Variants in SRRM4 observed in about 807,000 individuals in gnomAD.
The protein encoded by SRRM4 is serine/arginine repetitive matrix 4.
In SRRM4, 33 loss-of-function variants were observed where a neutral mutation model predicts 68.9. The ratio of observed to expected loss-of-function variants is 0.48; its 90% CI spans 0.36 to 0.64. The LOEUF (loss-of-function observed/expected upper bound fraction) is 0.64, where lower values mean the gene tolerates loss of function less well. SRRM4 is among the 30% of genes least tolerant of loss of function. The pLI, the probability that SRRM4 is intolerant of heterozygous loss-of-function variation, is 0.00. For missense variants in SRRM4, 817 were observed against 827.1 expected (o/e 0.99, Z 0.15); for synonymous variants, 318 against 318.8 (o/e 1.00, Z 0.03).
intron 1 of SRRM4, among the ~76,000 whole-genome samples, chr12:119,010,644 A>G (rs1328218846): frequency 6.6e-6 from 1 of 152,232 alleles, no homozygotes; most frequent in African/African-American, 2.4e-5. Context: ...ATATTTCAGC[A>G]TTTATCAAAA....
At chr12:118,999,587 A>G (rs1953371466) in intron 1 of SRRM4, among the ~76,000 whole-genome samples, 1 of 152,252 alleles carries the variant, frequency 6.6e-6, no homozygotes, top group Non-Finnish European at 1.5e-5. Flanking sequence ...AAACAACTAA[A>G]ACTAACAGAG....
At chr12:118,996,811 T>C (rs916375191) in intron 1 of SRRM4, among the ~76,000 whole-genome samples, 1 of 152,230 alleles carries the variant, frequency 6.6e-6, no homozygotes, top group African/African-American at 2.4e-5. Flanking sequence ...TCATAAAACT[T>C]TTCCCAGAGT....
intron 2 of SRRM4, among the ~76,000 whole-genome samples, chr12:119,105,589 C>A (rs1242336870): frequency 6.6e-6 from 1 of 152,160 alleles, no homozygotes; most frequent in African/African-American, 2.4e-5. Flanking sequence ...AGCATTTTTT[C>A]ATGTGTCTGT....
At chr12:119,055,078 T>C (rs1229852822) in intron 1 of SRRM4, among the ~76,000 whole-genome samples, 1 of 152,138 alleles carries the variant, frequency 6.6e-6, no homozygotes, top group Non-Finnish European at 1.5e-5. Context: ...AGAAGGGGCT[T>C]GTCCCTCAGA....
chr12:119,151,277 AT>A (rs1954437820), intron 10 of SRRM4, 57 bp downstream of exon 10: 1 of 1,474,584 alleles, frequency 6.8e-7, no homozygotes, highest in African/African-American at 1.4e-5. Flanking sequence ...AAATTAGTTA[AT>A]TGCAGATGTC....
chr12:118,994,802 T>G (rs1236226694), intron 1 of SRRM4, among the ~76,000 whole-genome samples: 1 of 152,220 alleles, frequency 6.6e-6, no homozygotes, highest in Non-Finnish European at 1.5e-5. Flanking sequence ...ACTGAGTATT[T>G]GCAATGGTTG....
At position 119,154,346 on chromosome 12, in the gene SRRM4, G is replaced by C. The variant is rs375958237; in HGVS notation, c.1495G>C (p.Asp499His). The change falls in exon 12 of 13, where the codon GAC (aspartate) becomes CAC (histidine). Residue 499 changes from aspartate (D) to histidine (H), a missense_variant. Asp to His is a moderately conservative substitution (Grantham distance 81, BLOSUM62 -1). Coordinates refer to ENST00000267260, the MANE Select transcript of SRRM4 (RefSeq NM_194286.4). The surrounding 1 kb of genome is among the most constrained non-coding windows in gnomAD (Gnocchi z 4.7). ...SYSPMRKRRR[D>H]SPSHLEARRI... ...CTCGCCTATGAGAAAGCGCCGGAGA[G>C]ACTCCCCGAGCCACCTGGAGGCCCG... 1.4e-5 allele frequency: 22 copies of C among 1,613,308 alleles called. No individual in the cohort carries two copies. Among genetic ancestry groups the C allele is most frequent in the Non-Finnish European group, 1.8e-5 (21 of 1,179,784 alleles).
intron 1 of SRRM4, among the ~76,000 whole-genome samples, chr12:118,991,502 A>T (rs372022904): frequency 3.3e-5 from 5 of 152,280 alleles, no homozygotes; most frequent in South Asian, 4.1e-4. Flanking sequence ...GCTAAAGCAT[A>T]CCTCTCCTAA....
Position 119,153,645 on chromosome 12 carries a change from A to G in SRRM4, c.1387A>G (p.Ser463Gly). The G allele has an allele frequency of 3.9e-6, 6 of 1,552,114 alleles. No homozygotes were observed. Among genetic ancestry groups the G allele is most frequent in the Non-Finnish European group, 5.2e-6 (6 of 1,150,114 alleles). The change falls in exon 11 of 13, where the codon AGC (serine) becomes GGC (glycine). Residue 463 changes from serine to glycine, a missense_variant. Physicochemically the swap from Ser to Gly is moderately conservative, Grantham distance 56. Coordinates refer to ENST00000267260, the MANE Select transcript of SRRM4 (RefSeq NM_194286.4). ...RSPSYSRYSP[S>G]RERDPKYSEK... ...CCCTAGCTACTCCCGCTACAGCCCC[A>G]GCAGGTACCGGCCCCGCCCCTCAAA...
In SRRM4 at chr12:119,159,486, T is replaced by C. The variant is rs1241663966; in HGVS notation, c.*2688T>C. On this transcript the variant is annotated 3_prime_UTR_variant, in exon 13 of 13. Coordinates refer to ENST00000267260, the MANE Select transcript of SRRM4 (RefSeq NM_194286.4). Reference sequence around the variant, plus strand: ...GGCTTCAGTTGAGTACTTGCTGAAGTAGTTGCCTTGTATTTTGAGGGCCAT... The same window carrying C: ...GGCTTCAGTTGAGTACTTGCTGAAGCAGTTGCCTTGTATTTTGAGGGCCAT... The C allele has an allele frequency of 1.3e-5, 2 of 152,230 alleles. No homozygotes were observed. Among genetic ancestry groups the C allele is most frequent in the African/African-American group, 2.4e-5 (1 of 41,440 alleles). 9.4% of individuals were successfully genotyped at this position (152,230 alleles called of 1,614,324 possible). A position where few individuals can be genotyped will look rare whatever the true frequency, so the allele number is the denominator to read the frequency against.
chr12:118,982,092 T>G lies in SRRM4; in HGVS notation c.131+79T>G, dbSNP rs1016159602. ...GTGCCCCAGAGCCCGGAGGGGTGGA[T>G]GCAGGCAGCCGGGCCAGGGCGCCTG... On this transcript the variant is annotated intron_variant, in intron 1 of 12. Transcript: ENST00000267260. The G allele has an allele frequency of 2.7e-6, 4 of 1,498,542 alleles. No individual in the cohort carries two copies. The East Asian group carries it at 7.5e-5, about 28-fold the overall frequency. The allele number at this position is 1,498,542 out of a possible 1,614,324, so 92.8% of individuals were successfully genotyped here.
At chr12:119,095,633 C>T (rs1954039527) in intron 1 of SRRM4, among the ~76,000 whole-genome samples, 1 of 152,142 alleles carries the variant, frequency 6.6e-6, no homozygotes, top group African/African-American at 2.4e-5. Flanking sequence ...CTCCAATCTC[C>T]TGGCCAACTG....
chr12:118,981,706 T>C lies in SRRM4; in HGVS notation c.-177T>C. ...GCCCAGCGGACGAGCCTCCTTTCTC[T>C]GCTGCCTGCCCGGGCTGGGGCGTCC... On this transcript the variant is annotated 5_prime_UTR_variant, in exon 1 of 13. Transcript: ENST00000267260. 1.5e-6 allele frequency: 1 copy of C among 674,412 alleles called. No homozygotes were observed. Among genetic ancestry groups the C allele is most frequent in the South Asian group, 2.1e-5 (1 of 47,392 alleles). The allele number at this position is 674,412 out of a possible 1,614,324, so 41.8% of individuals were successfully genotyped here.
chr12:119,022,204 T>TA (rs1442119393), intron 1 of SRRM4, among the ~76,000 whole-genome samples: 2 of 151,702 alleles, frequency 1.3e-5, no homozygotes, highest in Non-Finnish European at 2.9e-5. Flanking sequence ...AAATAAAATT[T>TA]AAAAAAAAGA....
chr12:119,056,719 T>A (rs983469435), intron 1 of SRRM4, among the ~76,000 whole-genome samples: 1 of 152,218 alleles, frequency 6.6e-6, no homozygotes, highest in Non-Finnish European at 1.5e-5. Context: ...ATGGCTATTT[T>A]TTTTTTGCCA....
At chr12:119,067,763 A>G (rs1953855426) in intron 1 of SRRM4, among the ~76,000 whole-genome samples, 1 of 152,172 alleles carries the variant, frequency 6.6e-6, no homozygotes, top group South Asian at 2.1e-4. Context: ...ACAAGCCTGG[A>G]ATGGAATCCC....
intron 1 of SRRM4, among the ~76,000 whole-genome samples, chr12:119,043,513 G>A (rs1953683144): frequency 6.6e-6 from 1 of 151,928 alleles, no homozygotes; most frequent in African/African-American, 2.4e-5. Context: ...TAACAAACCT[G>A]CACATCCTGC....
In SRRM4 at chr12:119,044,454, C is replaced by T. The variant is rs1953692019; in HGVS notation, c.132-57782C>T. Among the ~76,000 whole-genome samples, 6 of 152,100 alleles carry T rather than the reference C, an allele frequency of 3.9e-5. 1 individual carries two copies. The highest frequency in any genetic ancestry group is 3.9e-4 in the Admixed American group (6 of 15,274). On this transcript the variant is annotated intron_variant, in intron 1 of 12. Coordinates refer to ENST00000267260, the MANE Select transcript of SRRM4 (RefSeq NM_194286.4). Reference sequence around the variant, plus strand: ...CCTCTTCCTTTCACAGATGGGGAGACAGGACTCCAGGGAGGAGAATGGAGT... The same window carrying T: ...CCTCTTCCTTTCACAGATGGGGAGATAGGACTCCAGGGAGGAGAATGGAGT...
At chr12:119,053,491 C>T (rs1346390027) in intron 1 of SRRM4, among the ~76,000 whole-genome samples, 1 of 152,230 alleles carries the variant, frequency 6.6e-6, no homozygotes, top group Non-Finnish European at 1.5e-5. Context: ...GAGCCAGCTC[C>T]ATCATGCACT....
Sources: allele counts gnomAD v4.1 joint callset (sites outside exome capture counted in the v4.1 genomes callset), GRCh38; gene constraint gnomAD v4.1.1; non-coding constraint Gnocchi (gnomAD v3.1); transcripts MANE v1.5; gene names NCBI Gene and HGNC (gene_info 2026-07-23, HGNC 2026-07-21).